CFD: variants seen among roughly 807,000 people sequenced by gnomAD.
The protein encoded by CFD is C3 convertase activator.
Under a neutral mutation model 21.1 loss-of-function variants are expected in CFD, and 24 were observed. The observed-to-expected ratio is 1.14, with a 90% CI of 0.82 to 1.60. CFD has a LOEUF of 1.60. Ranked by LOEUF, CFD falls within the 40% of genes most tolerant of loss-of-function variation. The pLI, the probability that CFD is intolerant of heterozygous loss-of-function variation, is 0.00. For synonymous variants in CFD, 242 were observed against 175.9 expected (o/e 1.38, Z -2.97); for missense variants, 535 against 383.3 (o/e 1.40, Z -3.31).
Position 863,608 on chromosome 19 carries a change from C to CAA in CFD, c.*385_*386dup, listed in dbSNP as rs1005923420. The CAA allele has an allele frequency of 1.2e-3, 128 of 110,874 alleles. No individual in the cohort carries two copies. The highest frequency in any genetic ancestry group is 5.8e-3 in the South Asian group (33 of 5,698). 6.9% of individuals were successfully genotyped at this position (110,874 alleles called of 1,614,324 possible). A position where few individuals can be genotyped will look rare whatever the true frequency, so the allele number is the denominator to read the frequency against. ...CAGAGTGAAACCTTGTCTCTCTCTA[C>CAA]AAAAAAAAAAAAAAAATTCTGCGTG... On this transcript the variant is annotated 3_prime_UTR_variant, in exon 5 of 5. Transcript: ENST00000327726.
chr19:863,037 C>G (rs1228883372), intron 4 of CFD, 55 bp from the exon 5 acceptor site: 5 of 1,466,788 alleles, frequency 3.4e-6, no homozygotes, highest in Non-Finnish European at 3.6e-6. Flanking sequence ...GGGTCTAACA[C>G]GTGAGGCCGG....
At chr19:861,371 G>A in intron 3 of CFD, among the ~76,000 whole-genome samples, 1 of 42,944 alleles carries the variant, frequency 2.3e-5, no homozygotes, top group African/African-American at 5.5e-5. Flanking sequence ...CCTGCTGCAT[G>A]GGGACCCCGC....
At chr19:861,115 AT>A in intron 3 of CFD, 110 bp downstream of exon 3, 1 of 960,078 alleles carries the variant, frequency 1.0e-6, no homozygotes, top group Non-Finnish European at 1.6e-6. Flanking sequence ...CTCCTGCTGC[AT>A]GGGGACCCCG....
At position 861,934 on chromosome 19, in the gene CFD, G is replaced by A. The variant is rs1345038638; in HGVS notation, c.593G>A (p.Ser198Asn). ...ACCGAGCGCTTGATGTGCGCGGAGA[G>A]CAATCGCCGGGACAGCTGCAAGGTG... Reference protein sequence around the residue: ...AITERLMCAESNRRDSCKGDS... With the variant: ...AITERLMCAENNRRDSCKGDS... The change falls in exon 4 of 5, where the codon AGC becomes AAC. Residue 198 changes from serine (S) to asparagine (N), a missense_variant. Coordinates refer to ENST00000327726, the MANE Select transcript of CFD (RefSeq NM_001928.4). 1 of 1,557,094 alleles carries A rather than the reference G, an allele frequency of 6.4e-7. No homozygotes were observed. Among genetic ancestry groups the A allele is most frequent in the South Asian group, 1.2e-5 (1 of 86,264 alleles).
Position 860,973 on chromosome 19 carries a change from G to C in CFD, c.325G>C (p.Asp109His), listed in dbSNP as rs2035782928. 6.3e-6 allele frequency: 10 copies of C among 1,599,542 alleles called. 1 individual carries two copies. The highest frequency in any genetic ancestry group is 8.5e-6 in the Non-Finnish European group (10 of 1,179,480). ...AGTGCCCCACCCGGACAGCCAGCCC[G>C]ACACCATCGACCACGACCTCCTGCT... is the stretch of plus-strand genomic sequence containing the variant. ...RAVPHPDSQP[D>H]TIDHDLLLLQ... Residue 109 changes from aspartate (D) to histidine (H), a missense_variant, in exon 3 of 5, where the codon GAC becomes CAC. Asp to His is a moderately conservative substitution (Grantham distance 81). Transcript: ENST00000327726.
Position 863,333 on chromosome 19 carries a change from C to T in CFD, c.*95C>T. The T allele has an allele frequency of 7.0e-7, 1 of 1,432,500 alleles. No homozygotes were observed. Among genetic ancestry groups the T allele is most frequent in the Non-Finnish European group, 9.5e-7 (1 of 1,053,634 alleles). The allele number at this position is 1,432,500 out of a possible 1,614,324, so 88.7% of individuals were successfully genotyped here. A position where few individuals can be genotyped will look rare whatever the true frequency, so the allele number is the denominator to read the frequency against. ...CATCTGGTTGGTCTTTATTGAGCAC[C>T]TACTATATGCAGAAGGGGAGGCCGA... On this transcript the variant is annotated 3_prime_UTR_variant, in exon 5 of 5. Transcript: ENST00000327726.
chr19:861,797 C>T lies in CFD; in HGVS notation c.456C>T (p.Gly152=). ...CGGGAACTCTCTGCGACGTGGCCGG[C>T]TGGGGCATAGTCAACCACGCGGGCC... ...VAPGTLCDVA[G]WGIVNHAGRR... Residue 152 remains glycine, a synonymous_variant, in exon 4 of 5, where the codon GGC becomes GGT. Transcript: ENST00000327726. The T allele has an allele frequency of 1.2e-6, 2 of 1,604,776 alleles. No homozygotes were observed. The highest frequency in any genetic ancestry group is 1.7e-6 in the Non-Finnish European group (2 of 1,179,182).
At chr19:862,076 G>A in intron 4 of CFD, 120 bp downstream of exon 4, 3 of 1,394,690 alleles carry the variant, frequency 2.2e-6, no homozygotes, top group Non-Finnish European at 2.8e-6. Context: ...GGGCGCGTAG[G>A]GGGCGGGAAC....
At position 861,010 on chromosome 19, in the gene CFD, GC is replaced by G. The variant is rs1383043541; in HGVS notation, c.357+9del. 6.3e-7 allele frequency: 1 copy of G among 1,596,964 alleles called. No homozygotes were observed. Among genetic ancestry groups the G allele is most frequent in the African/African-American group, 1.3e-5 (1 of 74,704 alleles). ...CACGACCTCCTGCTGCTACAGGTCG[GC>G]CCCGTGTAGCGCAGTCCCTCCTGCG... On this transcript the variant is annotated splice_donor_region_variant and intron_variant, in intron 3 of 4. Transcript: ENST00000327726.
In CFD at chr19:861,822, C is replaced by T. The variant is rs146314090; in HGVS notation, c.481C>T (p.Arg161Cys). The change falls in exon 4 of 5, where the codon CGC becomes TGC. Residue 161 changes from arginine (R) to cysteine (C), a missense_variant. Transcript: ENST00000327726. ...AGWGIVNHAG[R>C]RPDSLQHVLL... ...CTGGGGCATAGTCAACCACGCGGGC[C>T]GCCGCCCGGACAGCCTGCAGCACGT... 40 of 1,602,100 alleles carry T rather than the reference C, an allele frequency of 2.5e-5. No homozygotes were observed. Among genetic ancestry groups the T allele is most frequent in the Non-Finnish European group, 3.0e-5 (35 of 1,179,046 alleles).
chr19:861,031 C>T (rs2035784206), intron 3 of CFD, 26 bp downstream of exon 3: 3 of 1,593,484 alleles, frequency 1.9e-6, no homozygotes, highest in African/African-American at 1.3e-5. Flanking sequence ...CGCAGTCCCT[C>T]CTGCGGCGCT....
chr19:862,777 G>C (rs963326667), intron 4 of CFD, among the ~76,000 whole-genome samples: 9 of 136,270 alleles, frequency 6.6e-5, no homozygotes, highest in African/African-American at 2.5e-4. Context: ...GTCAAAGCTT[G>C]GAAGAGCAGG....
At chr19:859,908 T>C in intron 1 of CFD, 164 bp downstream of exon 1, 1 of 609,210 alleles carries the variant, frequency 1.6e-6, no homozygotes, top group Non-Finnish European at 2.9e-6. Flanking sequence ...AAAATTCAGA[T>C]TGGAAATCGG....
intron 3 of CFD, 147 bp from the exon 4 acceptor site, chr19:861,552 G>T: frequency 1.2e-6 from 1 of 804,030 alleles, no homozygotes; most frequent in Non-Finnish European, 1.8e-6. Context: ...CCCCACCCAG[G>T]GTCTAGCCTA....
Position 863,254 on chromosome 19 carries a change from A to G in CFD, c.*16A>G, listed in dbSNP as rs2035837087. The stretch of plus-strand genomic sequence containing the variant: ...CCTGGCCTAGGGTGCCGGGGCCTGA[A>G]GGTCAGGGTCACCCAAGCAACAAAG... On this transcript the variant is annotated 3_prime_UTR_variant, in exon 5 of 5. Transcript: ENST00000327726. 2 of 1,547,186 alleles carry G rather than the reference A, an allele frequency of 1.3e-6. No individual in the cohort carries two copies. Among genetic ancestry groups the G allele is most frequent in the Non-Finnish European group, 1.7e-6 (2 of 1,153,010 alleles).
Position 861,796 on chromosome 19 carries a change from G to T in CFD, c.455G>T (p.Gly152Val). ...CCGGGAACTCTCTGCGACGTGGCCG[G>T]CTGGGGCATAGTCAACCACGCGGGC... ...VAPGTLCDVA[G>V]WGIVNHAGRR... is the part of the protein sequence containing the mutation. Residue 152 changes from glycine (G) to valine (V), a missense_variant, in exon 4 of 5, where the codon GGC becomes GTC. Coordinates refer to ENST00000327726, the MANE Select transcript of CFD (RefSeq NM_001928.4). 6 of 1,604,654 alleles carry T rather than the reference G, an allele frequency of 3.7e-6. No homozygotes were observed. Among genetic ancestry groups the T allele is most frequent in the Non-Finnish European group, 5.1e-6 (6 of 1,179,128 alleles).
Position 863,228 on chromosome 19 carries a change from T to TGGCGAGCTATGCGG in CFD, c.752_753insGGCGAGCTATGCGG (p.Leu252AlafsTer65), listed in dbSNP as rs1260402193. 3 of 1,546,318 alleles carry TGGCGAGCTATGCGG rather than the reference T, an allele frequency of 1.9e-6. No homozygotes were observed. Among genetic ancestry groups the TGGCGAGCTATGCGG allele is most frequent in the Non-Finnish European group, 2.6e-6 (3 of 1,152,486 alleles). On this transcript the variant is annotated frameshift_variant, in exon 5 of 5. Transcript: ENST00000327726. LOFTEE classifies it high-confidence loss of function. The stretch of plus-strand genomic sequence containing the variant: ...AGCTATGCGGCCTGGATCGACAGCG[T>TGGCGAGCTATGCGG]CCTGGCCTAGGGTGCCGGGGCCTGA...
In CFD at chr19:863,370, C is replaced by A. The variant is rs2035839246; in HGVS notation, c.*132C>A. 2 of 1,085,870 alleles carry A rather than the reference C, an allele frequency of 1.8e-6. No homozygotes were observed. The highest frequency in any genetic ancestry group is 2.6e-5 in the East Asian group (1 of 38,174). 67.3% of individuals were successfully genotyped at this position (1,085,870 alleles called of 1,614,324 possible). A position where few individuals can be genotyped will look rare whatever the true frequency, so the allele number is the denominator to read the frequency against. ...GAAGGGGAGGCCGAGGTGGGAGGAT[C>A]ATTGGATCTCAGGAGTTCGAGATCA... On this transcript the variant is annotated 3_prime_UTR_variant, in exon 5 of 5. Coordinates refer to ENST00000327726, the MANE Select transcript of CFD (RefSeq NM_001928.4).
Position 861,790 on chromosome 19 carries a change from T to C in CFD, c.449T>C (p.Val150Ala). 6.2e-7 allele frequency: 1 copy of C among 1,605,044 alleles called. No homozygotes were observed. The highest frequency in any genetic ancestry group is 1.3e-5 in the African/African-American group (1 of 74,970). The change falls in exon 4 of 5, where the codon GTG becomes GCG. Residue 150 changes from valine to alanine, a missense_variant. By Grantham distance (64) the Val-to-Ala change is moderately conservative. Transcript: ENST00000327726. ...RDVAPGTLCD[V>A]AGWGIVNHAG... ...GTGGCACCGGGAACTCTCTGCGACGTGGCCGGCTGGGGCATAGTCAACCAC... is the reference window on the plus strand; with the variant it reads ...GTGGCACCGGGAACTCTCTGCGACGCGGCCGGCTGGGGCATAGTCAACCAC...
Sources: gnomAD v4.1 joint callset for allele counts (sites outside exome capture counted in the v4.1 genomes callset) on GRCh38, gnomAD v4.1.1 for gene constraint, MANE v1.5 for transcripts, NCBI Gene and HGNC (gene_info 2026-07-23, HGNC 2026-07-21) for gene names.